PRR23E: variants seen among roughly 807,000 people sequenced by gnomAD.
PRR23E encodes the protein PRR23 family member E, also known as proline-rich protein 23E.
the PRR23E span, chr3:127,196,627 T>C: frequency 7.3e-6 from 11 of 1,502,648 alleles, no homozygotes; most frequent in Non-Finnish European, 9.7e-6. Context: ...TGGCCTCAGC[T>C]TGCAGAGGAG....
chr3:127,194,305 C>T, the PRR23E span, among the ~76,000 whole-genome samples: 1 of 151,886 alleles, frequency 6.6e-6, no homozygotes, highest in African/African-American at 2.4e-5. Flanking sequence ...ACATAAAATA[C>T]ACTGACACTA....
chr3:127,197,705 A>G, the PRR23E span: 1 of 293,186 alleles, frequency 3.4e-6, no homozygotes, highest in Non-Finnish European at 6.3e-6. Flanking sequence ...CATGCATGCA[A>G]CCTTGTAAAA....
the PRR23E span, chr3:127,196,840 TAACTG>T: frequency 2.6e-4 from 422 of 1,599,152 alleles, no homozygotes; most frequent in Non-Finnish European, 3.5e-4. Flanking sequence ...GCCCAGCCTG[TAACTG>T]ACCTGGCCCT....
At chr3:127,193,139 C>T in the PRR23E span, 1 of 152,304 alleles carries the variant, frequency 6.6e-6, no homozygotes, top group Non-Finnish European at 1.5e-5. Context: ...CCAGTGGTCT[C>T]CTGCCGCCAC....
At chr3:127,193,645 C>CCCG in the PRR23E span, among the ~76,000 whole-genome samples, 1 of 152,156 alleles carries the variant, frequency 6.6e-6, no homozygotes, top group African/African-American at 2.4e-5. Flanking sequence ...AGCTCCCAGG[C>CCCG]CCGCCCTAGG....
chr3:127,194,745 C>T, the PRR23E span, among the ~76,000 whole-genome samples: 1 of 152,176 alleles, frequency 6.6e-6, no homozygotes, highest in Non-Finnish European at 1.5e-5. Flanking sequence ...AGCTGGGCCT[C>T]CTCCTACTGG....
the PRR23E span, chr3:127,196,550 G>C: frequency 7.2e-7 from 1 of 1,382,142 alleles, no homozygotes; most frequent in East Asian, 2.5e-5. Flanking sequence ...TGTGCGACCT[G>C]GTCTCCCTGC....
the PRR23E span, among the ~76,000 whole-genome samples, chr3:127,195,430 G>A: frequency 1.3e-5 from 2 of 152,064 alleles, no homozygotes; most frequent in East Asian, 3.9e-4. Context: ...GGGCACCTTC[G>A]TGATCTGACT....
the PRR23E span, chr3:127,197,753 T>G: frequency 2.2e-5 from 4 of 185,448 alleles, no homozygotes; most frequent in Middle Eastern, 2.1e-3. Context: ...GTAGAAGCGC[T>G]CAGTTAGAAT....
chr3:127,194,623 C>T, the PRR23E span, among the ~76,000 whole-genome samples: 2 of 152,290 alleles, frequency 1.3e-5, no homozygotes, highest in East Asian at 3.9e-4. Context: ...CGGTTTCCTC[C>T]TGCCCCCTTT....
the PRR23E span, chr3:127,193,385 C>G: frequency 6.6e-6 from 1 of 152,438 alleles, no homozygotes; most frequent in Non-Finnish European, 1.5e-5. Flanking sequence ...CCACCCAACT[C>G]CTGGCATCTC....
chr3:127,197,008 C>T, the PRR23E span: 3 of 1,597,814 alleles, frequency 1.9e-6, no homozygotes, highest in South Asian at 2.2e-5. Context: ...TGGAGGGGCG[C>T]CTCCAGCTTT....
the PRR23E span, chr3:127,196,514 G>T: frequency 9.7e-7 from 1 of 1,027,102 alleles, no homozygotes; most frequent in South Asian, 1.9e-5. Context: ...CTCACCCCCA[G>T]CTGTCCCCCT....
the PRR23E span, among the ~76,000 whole-genome samples, chr3:127,193,986 G>C: frequency 1.3e-5 from 2 of 152,222 alleles, no homozygotes; most frequent in Admixed American, 1.3e-4. Flanking sequence ...AGCAAGAGCT[G>C]TCTGTATCTG....
the PRR23E span, among the ~76,000 whole-genome samples, chr3:127,193,737 A>ACT: frequency 1.3e-5 from 2 of 152,216 alleles, no homozygotes; most frequent in Admixed American, 1.3e-4. Context: ...TTTACTTACT[A>ACT]AAGAGTAAAC....
the PRR23E span, among the ~76,000 whole-genome samples, chr3:127,194,874 C>G: frequency 6.6e-6 from 1 of 152,202 alleles, no homozygotes; most frequent in Non-Finnish European, 1.5e-5. Context: ...ACTGGCCTGT[C>G]CTCCACCCCA....
At chr3:127,196,909 T>C in the PRR23E span, 1 of 1,599,464 alleles carries the variant, frequency 6.3e-7, no homozygotes, top group East Asian at 2.2e-5. Context: ...TACCCAGCCT[T>C]CTGGGCTTAC....
At chr3:127,197,445 A>G in the PRR23E span, 1 of 1,455,508 alleles carries the variant, frequency 6.9e-7, no homozygotes, top group Non-Finnish European at 9.1e-7. Context: ...CCACCCAACA[A>G]TCAGAGACAT....
At chr3:127,194,782 C>T in the PRR23E span, among the ~76,000 whole-genome samples, 2 of 152,302 alleles carry the variant, frequency 1.3e-5, no homozygotes, top group South Asian at 4.1e-4. Flanking sequence ...CTGCAGGCAT[C>T]TATGAAACAC....
Sources: allele counts gnomAD v4.1 joint callset (sites outside exome capture counted in the v4.1 genomes callset), GRCh38; gene constraint gnomAD v4.1.1; transcripts MANE v1.5; gene names NCBI Gene and HGNC (gene_info 2026-07-23, HGNC 2026-07-21).